SPATA13: variants seen among roughly 807,000 people sequenced by gnomAD.
SPATA13 encodes the protein spermatogenesis associated 13.
SPATA13 carries 50 observed loss-of-function variants against 104.0 expected under a neutral mutation model. The ratio of observed to expected loss-of-function variants is 0.48; its 90% CI spans 0.38 to 0.61. The LOEUF is 0.61. Among genes scored for constraint, SPATA13 ranks in the 20% least tolerant of loss-of-function variants. The probability of loss-of-function intolerance (pLI) is 0.00; values close to 1 mark genes in which losing one functional copy is unlikely to be tolerated. For synonymous variants in SPATA13, 606 were observed against 667.5 expected, an observed-to-expected ratio of 0.91 and a Z score of 1.42; for missense variants, 1,524 against 1,690.6, an observed-to-expected ratio of 0.90 and a Z score of 1.73.
chr13:24,229,511 G>A (rs780450353), intron 2 of SPATA13, among the ~76,000 whole-genome samples: 1 of 152,098 alleles, frequency 6.6e-6, no homozygotes, highest in East Asian at 1.9e-4. Context: ...CACTTAGCCC[G>A]CCCTTTGACA....
At chr13:24,114,952 A>G (rs1388819541) in intron 3 of SPATA13, among the ~76,000 whole-genome samples, 1 of 151,992 alleles carries the variant, frequency 6.6e-6, no homozygotes, top group Non-Finnish European at 1.5e-5. Flanking sequence ...ATGAGCCACT[A>G]CACCCAGCCC....
chr13:24,155,255 G>A (rs1482323189), intron 3 of SPATA13, among the ~76,000 whole-genome samples: 6 of 152,186 alleles, frequency 3.9e-5, no homozygotes, highest in Admixed American at 3.9e-4. Context: ...AAAGGTCTAT[G>A]TGCCTCTGTG....
chr13:24,123,754 T>A (rs2137827242), intron 3 of SPATA13: 1 of 1,417,052 alleles, frequency 7.1e-7, no homozygotes, highest in South Asian at 1.2e-5. Context: ...TCTTGGATAA[T>A]GCCTTGTATA....
At position 24,189,639 on chromosome 13, in the gene SPATA13, TTATA is replaced by T. The variant is rs1203428044; in HGVS notation, c.-112+28715_-112+28718del. On this transcript the variant is annotated intron_variant, in intron 1 of 12. Coordinates refer to ENST00000382108, the MANE Select transcript of SPATA13 (RefSeq NM_001166271.3). Reference sequence around the variant, plus strand: ...TAATTTATTATATAAATATATATATTTATATATATATTATATATTATATATTTAT... The same window carrying T: ...TAATTTATTATATAAATATATATATTTATATATTATATATTATATATTTAT... 4.7e-4 allele frequency among the ~76,000 whole-genome samples: 9 copies of T among 19,144 alleles called. 1 individual carries two copies. Among genetic ancestry groups the T allele is most frequent in the East Asian group, 2.2e-3 (2 of 898 alleles). The allele number at this position is 19,144 out of a possible 152,430, so 12.6% of individuals were successfully genotyped here.
chr13:24,000,850 G>A (rs565869780), intron 2 of SPATA13, among the ~76,000 whole-genome samples: 1 of 152,008 alleles, frequency 6.6e-6, no homozygotes, highest in Non-Finnish European at 1.5e-5. Context: ...ATTTGGGAGA[G>A]CCCTGGATGA....
At chr13:24,092,935 C>T (rs1273155948) in intron 3 of SPATA13, among the ~76,000 whole-genome samples, 5 of 152,178 alleles carry the variant, frequency 3.3e-5, no homozygotes, top group Non-Finnish European at 7.3e-5. Context: ...TTGGCATCTT[C>T]TCATTAACGT....
intron 1 of SPATA13, among the ~76,000 whole-genome samples, chr13:24,193,965 A>G (rs1220558): frequency 0.091 from 13,790 of 152,208 alleles, 2,000 homozygotes; most frequent in African/African-American, 0.31. Context: ...CTATAGAGAC[A>G]CAAAAAGGCA....
intron 3 of SPATA13, among the ~76,000 whole-genome samples, chr13:24,080,026 CA>C (rs1555260040): frequency 6.6e-6 from 1 of 152,136 alleles, no homozygotes; most frequent in Non-Finnish European, 1.5e-5. Flanking sequence ...GAAATGAAAC[CA>C]AAATTAGAAG....
At chr13:24,024,245 C>T (rs17079773) in intron 3 of SPATA13, among the ~76,000 whole-genome samples, 17,995 of 152,124 alleles carry the variant, frequency 0.12, 1,475 homozygotes, top group East Asian at 0.44. Flanking sequence ...TGGTTGTATG[C>T]GCTCTAAGAT....
At chr13:24,195,559 C>T (rs370842895) in intron 1 of SPATA13, among the ~76,000 whole-genome samples, 1 of 152,118 alleles carries the variant, frequency 6.6e-6, no homozygotes, top group Non-Finnish European at 1.5e-5. Context: ...ATTTTACAGC[C>T]CACCAGCAAT....
chr13:24,159,405 G>A (rs1180482385), upstream of SPATA13, among the ~76,000 whole-genome samples: 3 of 152,140 alleles, frequency 2.0e-5, no homozygotes, highest in African/African-American at 4.8e-5. Context: ...CATTAATCTT[G>A]GAGTGTGCTT....
At chr13:24,266,960 G>A (rs1874327443) in intron 4 of SPATA13, among the ~76,000 whole-genome samples, 1 of 151,864 alleles carries the variant, frequency 6.6e-6, no homozygotes, top group South Asian at 2.1e-4. Flanking sequence ...GCCCAGCCAG[G>A]ATTTTAAGAC....
At chr13:24,250,668 C>T (rs898274984) in intron 3 of SPATA13, among the ~76,000 whole-genome samples, 3 of 152,202 alleles carry the variant, frequency 2.0e-5, no homozygotes, top group African/African-American at 7.2e-5. Flanking sequence ...TAAAGCCCCA[C>T]ACAATGCCTT....
chr13:24,203,401 T>A (rs2138575573), intron 1 of SPATA13, among the ~76,000 whole-genome samples: 1 of 152,304 alleles, frequency 6.6e-6, no homozygotes, highest in Non-Finnish European at 1.5e-5. Flanking sequence ...AAACTTGATC[T>A]TCCTGTGTCT....
At chr13:24,189,868 A>ACT (rs1566140705) in intron 1 of SPATA13, among the ~76,000 whole-genome samples, 3 of 25,246 alleles carry the variant, frequency 1.2e-4, no homozygotes, top group African/African-American at 2.0e-4. Flanking sequence ...TATCATATAT[A>ACT]ATATAATTAT....
intron 1 of SPATA13, among the ~76,000 whole-genome samples, chr13:24,220,173 T>C (rs532835435): frequency 2.9e-3 from 446 of 152,300 alleles, no homozygotes; most frequent in Non-Finnish European, 4.7e-3. Flanking sequence ...TACCTCTTCC[T>C]CTGTAGACAG....
chr13:24,210,931 T>C (rs1030170457), intron 1 of SPATA13, among the ~76,000 whole-genome samples: 5 of 152,204 alleles, frequency 3.3e-5, no homozygotes, highest in Non-Finnish European at 7.3e-5. Context: ...CAATGTTTTA[T>C]AGGTTTCAGT....
intron 3 of SPATA13, among the ~76,000 whole-genome samples, chr13:24,118,912 T>TTTTCTTTTC (rs55865084): frequency 0.52 from 62,811 of 121,896 alleles, 14,276 homozygotes; most frequent in East Asian, 0.67. Flanking sequence ...TTTTCTTTTC[T>TTTTCTTTTC]TTTTTTTTTT....
chr13:24,136,323 A>C (rs2138450572), intron 3 of SPATA13, among the ~76,000 whole-genome samples: 1 of 152,194 alleles, frequency 6.6e-6, no homozygotes, highest in East Asian at 1.9e-4. Flanking sequence ...CTAAAAATAC[A>C]AAATTAGCCG....
Sources: allele counts gnomAD v4.1 joint callset (sites outside exome capture counted in the v4.1 genomes callset), GRCh38; gene constraint gnomAD v4.1.1; transcripts MANE v1.5; gene names NCBI Gene and HGNC (gene_info 2026-07-23, HGNC 2026-07-21).